The following TTC6 variants were observed in gnomAD, a reference collection of about 807,000 sequenced individuals.
TTC6 encodes tetratricopeptide repeat protein 6.
A neutral mutation model predicts 210.4 loss-of-function variants in TTC6; 172 were observed. That is an observed-to-expected ratio of 0.82 (90% confidence interval 0.72 to 0.93). The LOEUF (loss-of-function observed/expected upper bound fraction) is 0.93, where lower values mean the gene tolerates loss of function less well. TTC6 is among the 40% of genes least tolerant of loss of function. The probability of loss-of-function intolerance (pLI) is 0.00; values close to 1 mark genes in which losing one functional copy is unlikely to be tolerated. For synonymous variants in TTC6, 804 were observed against 819.6 expected, an observed-to-expected ratio of 0.98 and a Z score of 0.32; for missense variants, 2,414 against 2,318.1, an observed-to-expected ratio of 1.04 and a Z score of -0.85.
chr14:37,718,934 A>G (rs1416321966), intron 6 of TTC6, among the ~76,000 whole-genome samples: 2 of 152,072 alleles, frequency 1.3e-5, no homozygotes, highest in Non-Finnish European at 2.9e-5. Flanking sequence ...CCATGTCAAT[A>G]AATAAATAAA....
intron 7 of TTC6, among the ~76,000 whole-genome samples, chr14:37,732,344 T>G (rs552852919): frequency 1.1e-4 from 16 of 149,414 alleles, no homozygotes; most frequent in South Asian, 4.4e-4. Context: ...CACCACGCCT[T>G]GCTAATTTTT....
chr14:37,804,821 C>T lies in TTC6; in HGVS notation c.4164+7C>T, dbSNP rs776448883. On this transcript the variant is annotated splice_region_variant and intron_variant, in intron 21 of 30. Transcript: ENST00000553443. ...GGAAGGCAATTTACAAATGGTATTT[C>T]GTGTATTTAGGAGTATAGATTATTT... The T allele has an allele frequency of 7.4e-6, 12 of 1,612,694 alleles. No homozygotes were observed. The highest frequency in any genetic ancestry group is 2.2e-5 in the South Asian group (2 of 90,824).
exon 1 of TTC6, chr14:37,622,266 G>C: frequency 6.5e-7 from 1 of 1,535,054 alleles, no homozygotes; most frequent in Non-Finnish European, 8.7e-7. Context: ...CGTTTCCTGC[G>C]CCGCAGCCCG....
At chr14:37,819,471 A>G (rs1042245418) in intron 26 of TTC6, among the ~76,000 whole-genome samples, 15 of 152,148 alleles carry the variant, frequency 9.9e-5, no homozygotes, top group Admixed American at 3.3e-4. Context: ...TATCCTTTGT[A>G]TATCTCTGGT....
chr14:37,640,134 G>C lies in TTC6; in HGVS notation c.939+17131G>C, dbSNP rs139936881. The stretch of plus-strand genomic sequence containing the variant: ...CAGGTGCAGCTTATTTTCCATGAGA[G>C]TGTTTTTTTCAAGATTAGAATATAG... On this transcript the variant is annotated intron_variant, in intron 1 of 30. Transcript: ENST00000553443. Among the ~76,000 whole-genome samples the C allele has an allele frequency of 2.7e-3, 406 of 152,034 alleles. 5 individuals are homozygous for C. Among genetic ancestry groups the C allele is most frequent in the African/African-American group, 9.3e-3 (386 of 41,490 alleles).
At chr14:37,779,839 G>A (rs1566948995) in intron 14 of TTC6, among the ~76,000 whole-genome samples, 1 of 152,118 alleles carries the variant, frequency 6.6e-6, no homozygotes, top group Non-Finnish European at 1.5e-5. Context: ...GTCTCAGGGG[G>A]CCTCATATGC....
At chr14:37,725,569 A>C (rs71407727) in intron 7 of TTC6, among the ~76,000 whole-genome samples, 8,624 of 151,338 alleles carry the variant, frequency 0.057, 380 homozygotes, top group Non-Finnish European at 0.089. Context: ...AGGCTGGTCT[A>C]GAACTCCTGA....
upstream of TTC6, chr14:37,622,017 C>T (rs1566843811): frequency 1.5e-6 from 2 of 1,343,896 alleles, no homozygotes; most frequent in East Asian, 2.5e-5. Context: ...ACGCACACAA[C>T]ATATGTGATT....
chr14:37,671,877 T>A lies in TTC6; in HGVS notation c.940-8274T>A, dbSNP rs79939567. On this transcript the variant is annotated intron_variant, in intron 1 of 30. Coordinates refer to ENST00000553443, the Ensembl canonical transcript of TTC6. ...AGATCTGATGGTTTTATCAATGGTA[T>A]TTTTTCCTGTGTGCTCACACTGCCC... Among the ~76,000 whole-genome samples, 1,119 of 152,190 alleles carry A rather than the reference T, an allele frequency of 7.4e-3. 14 individuals carry two copies. Among genetic ancestry groups the A allele is most frequent in the African/African-American group, 0.026 (1,061 of 41,542 alleles).
chr14:37,753,092 C>T lies in TTC6; in HGVS notation c.3130-7C>T. On this transcript the variant is annotated splice_region_variant and splice_polypyrimidine_tract_variant and intron_variant, in intron 13 of 30. Transcript: ENST00000553443. Reference sequence around the variant, plus strand: ...TGATGTTTATGTACCTCCCGCTGTCCCTATAGTGTATTTTTTATGATCCCA... The same window carrying T: ...TGATGTTTATGTACCTCCCGCTGTCTCTATAGTGTATTTTTTATGATCCCA... The T allele has an allele frequency of 2.0e-6, 3 of 1,525,594 alleles. No homozygotes were observed. Among genetic ancestry groups the T allele is most frequent in the Non-Finnish European group, 2.6e-6 (3 of 1,139,634 alleles). 94.5% of individuals were successfully genotyped at this position (1,525,594 alleles called of 1,614,324 possible). A position where few individuals can be genotyped will look rare whatever the true frequency, so the allele number is the denominator to read the frequency against.
chr14:37,689,508 C>T (rs1467192333), intron 3 of TTC6, among the ~76,000 whole-genome samples: 2 of 152,004 alleles, frequency 1.3e-5, no homozygotes, highest in Non-Finnish European at 2.9e-5. Context: ...AAGACGGCTA[C>T]TTCAAGACAT....
intron 14 of TTC6, among the ~76,000 whole-genome samples, chr14:37,771,746 T>C (rs1445101017): frequency 1.3e-5 from 2 of 152,196 alleles, no homozygotes; most frequent in Admixed American, 1.3e-4. Flanking sequence ...GTCTTTGGTT[T>C]GAATGTCCTC....
chr14:37,746,196 A>G (rs1460436423), intron 10 of TTC6, among the ~76,000 whole-genome samples: 1 of 152,136 alleles, frequency 6.6e-6, no homozygotes, highest in African/African-American at 2.4e-5. Flanking sequence ...AATCAGTGAA[A>G]CAAATTTCTT....
chr14:37,751,017 T>A, intron 12 of TTC6, 36 bp from the exon 15 acceptor site: 1 of 1,423,174 alleles, frequency 7.0e-7, no homozygotes, highest in South Asian at 1.4e-5. Flanking sequence ...ATGAAAGGAT[T>A]ATAACTCCAA....
chr14:37,797,318 C>A (rs141066494), intron 20 of TTC6, among the ~76,000 whole-genome samples: 10 of 152,084 alleles, frequency 6.6e-5, no homozygotes, highest in Non-Finnish European at 1.2e-4. Context: ...TGGTCTGCAT[C>A]TTTTACAATA....
chr14:37,756,068 C>T (rs187523049), intron 14 of TTC6, among the ~76,000 whole-genome samples: 1 of 152,224 alleles, frequency 6.6e-6, no homozygotes, highest in East Asian at 1.9e-4. Flanking sequence ...TCCTTCATGT[C>T]CCTTGTAAGT....
chr14:37,789,002 A>G (rs1285521758), intron 15 of TTC6, among the ~76,000 whole-genome samples: 4 of 152,082 alleles, frequency 2.6e-5, no homozygotes, highest in African/African-American at 9.7e-5. Flanking sequence ...GGCTATCACA[A>G]TAATTGAACA....
intron 29 of TTC6, among the ~76,000 whole-genome samples, chr14:37,833,207 G>A (rs941563275): frequency 1.3e-5 from 2 of 152,134 alleles, no homozygotes; most frequent in Non-Finnish European, 2.9e-5. Context: ...TGAGTGAGGT[G>A]TTGAAGTCCC....
intron 15 of TTC6, among the ~76,000 whole-genome samples, chr14:37,788,206 A>G (rs1169410091): frequency 6.6e-6 from 1 of 151,978 alleles, no homozygotes; most frequent in Non-Finnish European, 1.5e-5. Flanking sequence ...CAATCAGCAC[A>G]CTCCTGGTTT....
Sources: gnomAD v4.1 joint callset for allele counts (sites outside exome capture counted in the v4.1 genomes callset) on GRCh38, gnomAD v4.1.1 for gene constraint, MANE v1.5 for transcripts, NCBI Gene and HGNC (gene_info 2026-07-23, HGNC 2026-07-21) for gene names.